Variants in TMEM178B observed in about 807,000 individuals in gnomAD.
The protein encoded by TMEM178B is transmembrane protein 178B.
TMEM178B carries 5 observed loss-of-function variants against 31.0 expected under a neutral mutation model. The observed-to-expected ratio is 0.16, with a 90% CI of 0.08 to 0.34. The LOEUF (loss-of-function observed/expected upper bound fraction) is 0.34. Ranked by LOEUF, TMEM178B falls within the 10% of genes least tolerant of loss-of-function variation. The pLI, the probability that TMEM178B is intolerant of heterozygous loss-of-function variation, is 1.00. For missense variants in TMEM178B, 275 were observed against 400.3 expected, an observed-to-expected ratio of 0.69 and a Z score of 2.67; for synonymous variants, 164 against 164.0, an observed-to-expected ratio of 1.00 and a Z score of 0.00.
intron 2 of TMEM178B, among the ~76,000 whole-genome samples, chr7:141,374,251 G>C (rs921727828): frequency 6.6e-6 from 1 of 152,160 alleles, no homozygotes; most frequent in African/African-American, 2.4e-5. Flanking sequence ...CCACCAGCAG[G>C]TGTGTCTGTG....
At chr7:141,500,266 G>C in the TMEM178B span, among the ~76,000 whole-genome samples, 1 of 152,236 alleles carries the variant, frequency 6.6e-6, no homozygotes, top group African/African-American at 2.4e-5. Flanking sequence ...ATCTAGGAGA[G>C]GAATCAGACA....
At chr7:141,498,305 A>G in the TMEM178B span, among the ~76,000 whole-genome samples, 1 of 152,230 alleles carries the variant, frequency 6.6e-6, no homozygotes, top group Non-Finnish European at 1.5e-5. Flanking sequence ...AATATTTTCC[A>G]GTTGCCTCCT....
At chr7:141,437,790 T>C (rs1801575680) in intron 3 of TMEM178B, 45 bp downstream of exon 3, 1 of 1,534,224 alleles carries the variant, frequency 6.5e-7, no homozygotes. Flanking sequence ...GACAGGGTCC[T>C]GTTTACCACA....
chr7:141,376,279 G>C (rs546508766), intron 2 of TMEM178B, among the ~76,000 whole-genome samples: 2 of 152,312 alleles, frequency 1.3e-5, no homozygotes, highest in African/African-American at 4.8e-5. Flanking sequence ...GGAATTATTG[G>C]TTTAGGCAAG....
chr7:141,309,279 A>G (rs552117016), intron 2 of TMEM178B, among the ~76,000 whole-genome samples: 1 of 152,252 alleles, frequency 6.6e-6, no homozygotes, highest in Admixed American at 6.5e-5. Flanking sequence ...AGTGGTATCA[A>G]ATTGCTTTAT....
At chr7:141,430,773 TCTTA>T (rs1231516095) in intron 2 of TMEM178B, among the ~76,000 whole-genome samples, 3 of 152,194 alleles carry the variant, frequency 2.0e-5, no homozygotes, top group African/African-American at 7.2e-5. Flanking sequence ...TCTTTCCACC[TCTTA>T]CTTCCCAGAC....
chr7:141,436,482 C>T (rs1164372741), intron 2 of TMEM178B, among the ~76,000 whole-genome samples: 2 of 152,066 alleles, frequency 1.3e-5, no homozygotes, highest in African/African-American at 2.4e-5. Flanking sequence ...AGGCTTAGGG[C>T]ACAGGCTCAG....
intron 2 of TMEM178B, among the ~76,000 whole-genome samples, chr7:141,271,441 G>C (rs1304351186): frequency 6.6e-6 from 1 of 152,136 alleles, no homozygotes; most frequent in African/African-American, 2.4e-5. Flanking sequence ...ACTGGTGTAG[G>C]AGCTGGGCAA....
chr7:141,299,030 G>T (rs74338643), intron 2 of TMEM178B, among the ~76,000 whole-genome samples: 3,406 of 152,174 alleles, frequency 0.022, 150 homozygotes, highest in East Asian at 0.14. Flanking sequence ...TTCTGGGAGG[G>T]GTGGGTGAGA....
At chr7:141,487,492 C>A in the TMEM178B span, among the ~76,000 whole-genome samples, 1 of 151,970 alleles carries the variant, frequency 6.6e-6, no homozygotes, top group Non-Finnish European at 1.5e-5. Context: ...GTAATCTCAG[C>A]ACTTTGGGAG....
At chr7:141,483,475 G>A (rs1802510757), downstream of TMEM178B, among the ~76,000 whole-genome samples, 1 of 152,182 alleles carries the variant, frequency 6.6e-6, no homozygotes, top group Non-Finnish European at 1.5e-5. Context: ...AGGGTGGAAA[G>A]AGCACAGTAC....
intron 1 of TMEM178B, among the ~76,000 whole-genome samples, chr7:141,078,030 C>T (rs117971584): frequency 9.5e-4 from 145 of 152,242 alleles, no homozygotes; most frequent in Non-Finnish European, 1.8e-3. Flanking sequence ...ATATAGGGTA[C>T]AGCAAGGGTA....
chr7:141,343,674 C>G, intron 2 of TMEM178B, among the ~76,000 whole-genome samples: 1 of 152,034 alleles, frequency 6.6e-6, no homozygotes. Flanking sequence ...CTCAGCCTCC[C>G]GAGTAGCTGG....
intron 2 of TMEM178B, among the ~76,000 whole-genome samples, chr7:141,285,150 GTTTCTTTTTTTTTT>G (rs1269907086): frequency 1.3e-5 from 1 of 78,962 alleles, no homozygotes; most frequent in South Asian, 3.9e-4. Context: ...CAGGATTCTT[GTTTCTTTTTTTTTT>G]TTTTTTTTTT....
At chr7:141,413,422 C>A (rs1341246235) in intron 2 of TMEM178B, among the ~76,000 whole-genome samples, 2 of 152,122 alleles carry the variant, frequency 1.3e-5, no homozygotes, top group Non-Finnish European at 2.9e-5. Context: ...GGCATAACAG[C>A]CTTAAGGATC....
chr7:141,095,098 C>G (rs1290173867), intron 1 of TMEM178B, among the ~76,000 whole-genome samples: 1 of 152,136 alleles, frequency 6.6e-6, no homozygotes, highest in Non-Finnish European at 1.5e-5. Context: ...TAGGCAGCCA[C>G]TTTGTAGGTT....
intron 2 of TMEM178B, among the ~76,000 whole-genome samples, chr7:141,363,157 G>T (rs976542726): frequency 6.6e-6 from 1 of 152,200 alleles, no homozygotes; most frequent in Non-Finnish European, 1.5e-5. Context: ...TTGGAAAAAA[G>T]AGCGAGCGAG....
At chr7:141,099,292 G>T (rs1037596368) in intron 1 of TMEM178B, among the ~76,000 whole-genome samples, 5 of 152,122 alleles carry the variant, frequency 3.3e-5, no homozygotes, top group African/African-American at 1.2e-4. Flanking sequence ...CTACAGATAT[G>T]GAGACTAAGC....
At chr7:141,437,955 G>C (rs530367346) in intron 3 of TMEM178B, among the ~76,000 whole-genome samples, 5 of 152,144 alleles carry the variant, frequency 3.3e-5, no homozygotes, top group African/African-American at 2.4e-5. Flanking sequence ...AATAAGACAC[G>C]GTCCTCACCT....
Sources: gnomAD v4.1 joint callset for allele counts (sites outside exome capture counted in the v4.1 genomes callset) on GRCh38, gnomAD v4.1.1 for gene constraint, MANE v1.5 for transcripts, NCBI Gene and HGNC (gene_info 2026-07-23, HGNC 2026-07-21) for gene names.